DDC: variants seen among roughly 807,000 people sequenced by gnomAD.
DDC encodes the protein aromatic-L-amino-acid decarboxylase.
DDC carries 43 observed loss-of-function variants against 60.0 expected under a neutral mutation model. The ratio of observed to expected loss-of-function variants is 0.72; its 90% CI spans 0.56 to 0.92. The LOEUF (loss-of-function observed/expected upper bound fraction) is 0.92. Ranked by LOEUF, DDC falls within the 40% of genes least tolerant of loss-of-function variation. The probability of loss-of-function intolerance (pLI) is 0.00; values close to 1 mark genes in which losing one functional copy is unlikely to be tolerated. For missense variants in DDC, 573 were observed against 620.2 expected (o/e 0.92, Z 0.81); for synonymous variants, 232 against 234.6 (o/e 0.99, Z 0.10).
chr7:50,525,924 A>G (rs2044025618), intron 6 of DDC, among the ~76,000 whole-genome samples: 1 of 152,010 alleles, frequency 6.6e-6, no homozygotes, highest in South Asian at 2.1e-4. Flanking sequence ...TGAGACATGT[A>G]AAAGGGCATA....
chr7:50,539,849 C>G, intron 3 of DDC, 66 bp downstream of exon 3: 1 of 1,223,798 alleles, frequency 8.2e-7, no homozygotes, highest in South Asian at 1.2e-5. Context: ...TGCATAGGTA[C>G]CGTGTCCCCA....
intron 6 of DDC, among the ~76,000 whole-genome samples, chr7:50,514,429 C>G (rs1267217267): frequency 2.0e-5 from 3 of 152,076 alleles, no homozygotes; most frequent in Non-Finnish European, 2.9e-5. Flanking sequence ...CTTTTCAACA[C>G]CCCCCAAAAA....
chr7:50,536,638 C>G lies in DDC; in HGVS notation c.435+1222G>C, dbSNP rs544515172. Among the ~76,000 whole-genome samples, 6 of 152,338 alleles carry G rather than the reference C, an allele frequency of 3.9e-5. No individual in the cohort carries two copies. In the East Asian group the frequency reaches 1.2e-3, roughly 29 times the overall value. On this transcript the variant is annotated intron_variant, in intron 4 of 14. Coordinates refer to ENST00000444124, the MANE Select transcript of DDC (RefSeq NM_001082971.2). Reference sequence around the variant, plus strand: ...GGTTTTAGCCCAGTAAGACCCAGGTCAGACTTCTGATGTACAGAACTGTAA... The same window carrying G: ...GGTTTTAGCCCAGTAAGACCCAGGTGAGACTTCTGATGTACAGAACTGTAA...
intron 10 of DDC, 24 bp downstream of exon 10, chr7:50,479,763 A>G: frequency 6.2e-7 from 1 of 1,609,204 alleles, no homozygotes; most frequent in Non-Finnish European, 8.5e-7. Context: ...GAAACAGTCC[A>G]CAGAAAGCAG....
chr7:50,477,748 C>T, intron 10 of DDC: 3 of 322,044 alleles, frequency 9.3e-6, no homozygotes, highest in South Asian at 2.3e-5. Flanking sequence ...CCTATCTCAA[C>T]CCATACACAG....
At position 50,544,537 on chromosome 7, in the gene DDC, G is replaced by A. The variant is rs137892956; in HGVS notation, c.-28-424C>T. On this transcript the variant is annotated intron_variant, in intron 1 of 14. Coordinates refer to ENST00000444124, the MANE Select transcript of DDC (RefSeq NM_001082971.2). ...AGACTGTGATGCTGACCTCTCAGGA[G>A]GGCATGAAGGCACAGTCACACAATG... 7.9e-5 allele frequency among the ~76,000 whole-genome samples: 12 copies of A among 152,282 alleles called. No individual in the cohort carries two copies. In the East Asian group the frequency reaches 2.3e-3, roughly 29 times the overall value.
chr7:50,542,991 C>A (rs11575300), intron 2 of DDC: 15,262 of 152,376 alleles, frequency 0.1, 816 homozygotes, highest in South Asian at 0.12. Flanking sequence ...GGTCCCAGAC[C>A]CCTCTTCTAT....
intron 4 of DDC, 132 bp downstream of exon 4, chr7:50,537,728 C>G (rs938839856): frequency 4.2e-6 from 5 of 1,192,126 alleles, no homozygotes; most frequent in Non-Finnish European, 3.7e-6. Flanking sequence ...CCCAAGAGCT[C>G]GGTTTTGTTT....
chr7:50,499,992 C>A (rs11575383), intron 7 of DDC, among the ~76,000 whole-genome samples: 13,921 of 152,218 alleles, frequency 0.091, 658 homozygotes, highest in Middle Eastern at 0.12. Flanking sequence ...AAGGGATGAG[C>A]AAGGGAATAT....
chr7:50,563,002 A>T (rs564019585), intron 1 of DDC, among the ~76,000 whole-genome samples: 1 of 152,168 alleles, frequency 6.6e-6, no homozygotes. Context: ...TCCCACCTCT[A>T]CTAAAAATAC....
chr7:50,510,996 A>AC (rs1329111531), intron 6 of DDC, among the ~76,000 whole-genome samples: 20 of 149,976 alleles, frequency 1.3e-4, no homozygotes, highest in Non-Finnish European at 2.7e-4. Context: ...AAAAAAAAAA[A>AC]AAAAAAACTC....
At chr7:50,465,020 A>G (rs1585132286) in intron 13 of DDC, among the ~76,000 whole-genome samples, 1 of 152,334 alleles carries the variant, frequency 6.6e-6, no homozygotes, top group South Asian at 2.1e-4. Flanking sequence ...AATGCCTTGG[A>G]CTTCCTTCAT....
intron 9 of DDC, among the ~76,000 whole-genome samples, chr7:50,485,294 T>C (rs1227232305): frequency 6.6e-6 from 1 of 152,154 alleles, no homozygotes; most frequent in Non-Finnish European, 1.5e-5. Flanking sequence ...AAATGAACAA[T>C]AAGAAGCTTA....
At chr7:50,529,882 C>G (rs1293709675) in intron 4 of DDC, among the ~76,000 whole-genome samples, 1 of 152,114 alleles carries the variant, frequency 6.6e-6, no homozygotes, top group Non-Finnish European at 1.5e-5. Flanking sequence ...CCCCCAGGAC[C>G]TCAGATGTGA....
rs551568506 is a variant in DDC at position 50,513,068 on chromosome 7, C to A, written c.715-9009G>T. Among the ~76,000 whole-genome samples, 14 of 152,286 alleles carry A rather than the reference C, an allele frequency of 9.2e-5. 1 individual carries two copies. The South Asian group carries it at 2.9e-3, about 32-fold the overall frequency. ...TTTAGCTCCAGGTTGACTGCAAGAA[C>A]AAACCAGCAATCCCGAGAGGACCCA... On this transcript the variant is annotated intron_variant, in intron 6 of 14. Coordinates refer to ENST00000444124, the MANE Select transcript of DDC (RefSeq NM_001082971.2).
At chr7:50,506,510 A>G (rs1181159929) in intron 6 of DDC, among the ~76,000 whole-genome samples, 4 of 152,168 alleles carry the variant, frequency 2.6e-5, no homozygotes, top group African/African-American at 9.7e-5. Context: ...AAAAGAAAAG[A>G]AAAGAAAGGT....
intron 1 of DDC, among the ~76,000 whole-genome samples, chr7:50,555,403 G>T (rs978985254): frequency 6.6e-6 from 1 of 152,088 alleles, no homozygotes; most frequent in African/African-American, 2.4e-5. Context: ...GAGGGACCTG[G>T]GACCCAGAGA....
chr7:50,477,772 G>A (rs1029034156), intron 10 of DDC, among the ~76,000 whole-genome samples: 2 of 152,096 alleles, frequency 1.3e-5, no homozygotes, highest in Admixed American at 6.6e-5. Flanking sequence ...TCTCCTTTAC[G>A]ACACATGGCC....
At chr7:50,548,747 G>A (rs929940995) in intron 1 of DDC, among the ~76,000 whole-genome samples, 1 of 152,216 alleles carries the variant, frequency 6.6e-6, no homozygotes, top group African/African-American at 2.4e-5. Flanking sequence ...AATCCATGAA[G>A]GTGGCTACGG....
Sources: allele counts gnomAD v4.1 joint callset (sites outside exome capture counted in the v4.1 genomes callset), GRCh38; gene constraint gnomAD v4.1.1; transcripts MANE v1.5; gene names NCBI Gene and HGNC (gene_info 2026-07-23, HGNC 2026-07-21).